PPRC1: variants seen among roughly 807,000 people sequenced by gnomAD.
PPRC1 encodes the protein peroxisome proliferator-activated receptor gamma coactivator-related protein 1.
PPRC1 carries 23 observed loss-of-function variants against 132.5 expected under a neutral mutation model. That is an observed-to-expected ratio of 0.17 (90% CI 0.12 to 0.25). The LOEUF (loss-of-function observed/expected upper bound fraction) is 0.25, where lower values mean the gene tolerates loss of function less well. Among genes scored for constraint, PPRC1 ranks in the 10% least tolerant of loss-of-function variants. The pLI, the probability that PPRC1 is intolerant of heterozygous loss-of-function variation, is 1.00. For synonymous variants in PPRC1, 872 were observed against 833.5 expected, an observed-to-expected ratio of 1.05 and a Z score of -0.80; for missense variants, 2,006 against 2,089.1, an observed-to-expected ratio of 0.96 and a Z score of 0.78.
At chr10:102,132,142 A>G (rs2068554449), upstream of PPRC1, among the ~76,000 whole-genome samples, 1 of 152,246 alleles carries the variant, frequency 6.6e-6, no homozygotes, top group Non-Finnish European at 1.5e-5. Context: ...ATACACACTA[A>G]AAGTAACAAG....
In PPRC1 at chr10:102,138,983, A is replaced by G; in HGVS notation, c.591+3A>G. On this transcript the variant is annotated splice_donor_region_variant and intron_variant, in intron 4 of 13. Coordinates refer to ENST00000278070, the MANE Select transcript of PPRC1 (RefSeq NM_015062.5). ...CAGGCAGCAGTAGAGGGAGTGGGGT[A>G]AGCCTGACCTAGAGGGTTTCAGAAA... 1.2e-6 allele frequency: 2 copies of G among 1,612,292 alleles called. No homozygotes were observed. Among genetic ancestry groups the G allele is most frequent in the Non-Finnish European group, 1.7e-6 (2 of 1,178,316 alleles).
intron 8 of PPRC1, among the ~76,000 whole-genome samples, chr10:102,145,405 TA>T (rs766097166): frequency 6.6e-6 from 1 of 151,002 alleles, no homozygotes. Flanking sequence ...CTATCTCTAC[TA>T]AAAAAAATAC....
In PPRC1 at chr10:102,138,692, A is replaced by T. The variant is rs1244676946; in HGVS notation, c.416A>T (p.Asp139Val). 6.2e-7 allele frequency: 1 copy of T among 1,614,196 alleles called. No individual in the cohort carries two copies. The highest frequency in any genetic ancestry group is 2.2e-5 in the East Asian group (1 of 44,884). Residue 139 changes from aspartate (D) to valine (V), a missense_variant, in exon 3 of 14, where the codon GAT becomes GTT. Around this residue, in one of 2 missense-constraint regions of PPRC1, gnomAD observed 1,914 missense variants for 1,917.2 expected, o/e 1.00. Transcript: ENST00000278070. ...CTGACGGAGATCTTGGACAATGCAGATTCTGAGAACCTTTCTCCATTTGAC... is the reference window on the plus strand; with the variant it reads ...CTGACGGAGATCTTGGACAATGCAGTTTCTGAGAACCTTTCTCCATTTGAC... ...TALTEILDNADSENLSPFDSI... is the reference protein window; with the variant it reads ...TALTEILDNAVSENLSPFDSI...
intron 1 of PPRC1, among the ~76,000 whole-genome samples, chr10:102,134,285 G>A (rs1172481548): frequency 6.6e-6 from 1 of 152,128 alleles, no homozygotes; most frequent in East Asian, 1.9e-4. Flanking sequence ...AGGCTCTTCG[G>A]ATTTTTTGCT....
At chr10:102,134,885 A>G (rs1335407859) in intron 1 of PPRC1, among the ~76,000 whole-genome samples, 1 of 152,188 alleles carries the variant, frequency 6.6e-6, no homozygotes, top group Non-Finnish European at 1.5e-5. Context: ...TCCAGCTATA[A>G]TAGTTAAGTA....
the PPRC1 span, among the ~76,000 whole-genome samples, chr10:102,127,490 T>G: frequency 2.0e-5 from 3 of 152,152 alleles, no homozygotes; most frequent in Non-Finnish European, 2.9e-5. Flanking sequence ...CACTGCAACA[T>G]CCACCTGCTG....
intron 1 of PPRC1, among the ~76,000 whole-genome samples, chr10:102,137,288 T>C (rs2068761623): frequency 6.6e-6 from 1 of 151,906 alleles, no homozygotes; most frequent in Admixed American, 6.6e-5. Context: ...ATGAGTGTCA[T>C]GGGGATGGGG....
At chr10:102,120,374 T>TGTGTGCGTGTGTGCGC in the PPRC1 span, 20 of 983,682 alleles carry the variant, frequency 2.0e-5, no homozygotes, top group Non-Finnish European at 2.4e-5. Flanking sequence ...TGTGTGTCCG[T>TGTGTGCGTGTGTGCGC]GTGTGCGTGT....
At chr10:102,124,633 G>T in the PPRC1 span, among the ~76,000 whole-genome samples, 7 of 146,912 alleles carry the variant, frequency 4.8e-5, no homozygotes, top group Admixed American at 4.8e-4. Context: ...GAGCCACTGT[G>T]CCTGGCCATT....
intron 7 of PPRC1, 149 bp from the exon 8 acceptor site, chr10:102,144,870 AC>A: frequency 1.5e-6 from 1 of 658,390 alleles, no homozygotes; most frequent in Non-Finnish European, 2.6e-6. Flanking sequence ...AGTCAATAAG[AC>A]CCTTTTGTGC....
At chr10:102,120,361 G>T in the PPRC1 span, 163,148 of 984,676 alleles carry the variant, frequency 0.17, 14,453 homozygotes, top group Non-Finnish European at 0.18. Context: ...TGAGTCCGCG[G>T]AGTGTGTGTC....
At position 102,140,960 on chromosome 10, in the gene PPRC1, T is replaced by C. The variant is rs144378251; in HGVS notation, c.2452T>C (p.Cys818Arg). 1.9e-5 allele frequency: 30 copies of C among 1,613,900 alleles called. No homozygotes were observed. The African/African-American group carries it at 3.5e-4, about 19-fold the overall frequency. Reference sequence around the variant, plus strand: ...AAGCCCTGAAACACCCCTTGAGATTTGCCTTGTGCCTGTAGGTCCCAGCCC... The same window carrying C: ...AAGCCCTGAAACACCCCTTGAGATTCGCCTTGTGCCTGTAGGTCCCAGCCC... Reference protein sequence around the residue: ...QRSPETPLEICLVPVGPSPAS... With the variant: ...QRSPETPLEIRLVPVGPSPAS... Residue 818 changes from cysteine to arginine, a missense_variant, in exon 5 of 14, where the codon TGC (cysteine) becomes CGC (arginine). Cys to Arg is a radical substitution (Grantham distance 180). Transcript: ENST00000278070.
At chr10:102,127,028 T>TC in the PPRC1 span, among the ~76,000 whole-genome samples, 1 of 27,172 alleles carries the variant, frequency 3.7e-5, no homozygotes, top group Non-Finnish European at 9.7e-5. Flanking sequence ...ATCATATATA[T>TC]ATATATATAT....
intron 8 of PPRC1, among the ~76,000 whole-genome samples, chr10:102,146,379 A>G (rs1396690064): frequency 6.6e-6 from 1 of 151,984 alleles, no homozygotes; most frequent in Non-Finnish European, 1.5e-5. Context: ...TACTCGGGGG[A>G]AGGGGCGGAT....
In PPRC1 at chr10:102,140,057, G is replaced by A. The variant is rs773980268; in HGVS notation, c.1549G>A (p.Gly517Ser). ...TCAAAAAGAGTCTGGGCCTCTCCAG[G>A]GTAAGGGGAAGCCCCGGGCTTGGGC... The part of the protein sequence containing the change: ...ELQKESGPLQ[G>S]KGKPRAWARA... The change falls in exon 5 of 14, where the codon GGT becomes AGT. Residue 517 changes from glycine to serine, a missense_variant. Transcript: ENST00000278070. 1.2e-6 allele frequency: 2 copies of A among 1,614,118 alleles called. No homozygotes were observed. The highest frequency in any genetic ancestry group is 2.7e-5 in the African/African-American group (2 of 74,936).
rs1590348101 is a variant in PPRC1, at chr10:102,144,124, G to A, written c.3551-126G>A. ...CTGGAGGAGACTAGATCTCTTTGGG[G>A]AGATCCCAACAGGGAATATGTAGGC... On this transcript the variant is annotated intron_variant, in intron 6 of 13. Coordinates refer to ENST00000278070, the MANE Select transcript of PPRC1 (RefSeq NM_015062.5). 3 of 862,506 alleles carry A rather than the reference G, an allele frequency of 3.5e-6. No individual in the cohort carries two copies. In the East Asian group the frequency reaches 7.3e-5, roughly 21 times the overall value. The allele number at this position is 862,506 out of a possible 1,614,324, so 53.4% of individuals were successfully genotyped here. A position where few individuals can be genotyped will look rare whatever the true frequency, so the allele number is the denominator to read the frequency against.
At position 102,140,683 on chromosome 10, in the gene PPRC1, A is replaced by G. The variant is rs777022891; in HGVS notation, c.2175A>G (p.Glu725=). The change falls in exon 5 of 14, where the codon GAA becomes GAG. Residue 725 remains glutamate, a synonymous_variant. Coordinates refer to ENST00000278070, the MANE Select transcript of PPRC1 (RefSeq NM_015062.5). Reference sequence around the variant, plus strand: ...ACCCACCAAAGACCATCATCCCTGAAGTCAAAGAGGTTGTGGATTCTCTGA... The same window carrying G: ...ACCCACCAAAGACCATCATCCCTGAGGTCAAAGAGGTTGTGGATTCTCTGA... ...SLDPPKTIIP[E]VKEVVDSLKI... is the part of the protein sequence containing the mutation. 6.2e-7 allele frequency: 1 copy of G among 1,614,062 alleles called. No homozygotes were observed. The highest frequency in any genetic ancestry group is 1.1e-5 in the South Asian group (1 of 91,072).
the PPRC1 span, among the ~76,000 whole-genome samples, chr10:102,127,043 A>G: frequency 1.7e-5 from 1 of 57,682 alleles, no homozygotes; most frequent in Non-Finnish European, 5.4e-5. Context: ...ATATATATAT[A>G]TATATATATA....
intron 1 of PPRC1, among the ~76,000 whole-genome samples, 195 bp from the exon 2 acceptor site, chr10:102,137,655 C>G (rs1484182019): frequency 5.3e-5 from 8 of 152,122 alleles, no homozygotes; most frequent in African/African-American, 1.9e-4. Flanking sequence ...CCCAGAAGGT[C>G]CCTGAAAACT....
Sources: gnomAD v4.1 joint callset for allele counts (sites outside exome capture counted in the v4.1 genomes callset) on GRCh38, gnomAD v4.1.1 for gene constraint, gnomAD v4.1.1 regional missense constraint, MANE v1.5 for transcripts, NCBI Gene and HGNC (gene_info 2026-07-23, HGNC 2026-07-21) for gene names.